Variants in SAMD4A observed in about 807,000 individuals in gnomAD.
The protein encoded by SAMD4A is protein Smaug homolog 1.
Under a neutral mutation model 81.3 loss-of-function variants are expected in SAMD4A, and 33 were observed. That is an observed-to-expected ratio of 0.41 (90% CI 0.31 to 0.54). SAMD4A has a LOEUF of 0.54. SAMD4A is among the 20% of genes least tolerant of loss of function. The pLI, the probability that SAMD4A is intolerant of heterozygous loss-of-function variation, is 0.37. For missense variants in SAMD4A, 854 were observed against 951.1 expected (o/e 0.90, Z 1.34); for synonymous variants, 389 against 382.1 (o/e 1.02, Z -0.21).
At chr14:54,618,048 T>C (rs1315363777) in intron 2 of SAMD4A, among the ~76,000 whole-genome samples, 1 of 152,228 alleles carries the variant, frequency 6.6e-6, no homozygotes. Context: ...GAGTTTGCAA[T>C]TGATTGTGCC....
In SAMD4A at chr14:54,790,435, G is replaced by A. The variant is rs1403833948; in HGVS notation, c.*1491G>A. On this transcript the variant is annotated 3_prime_UTR_variant, in exon 13 of 13. Transcript: ENST00000554335. Reference sequence around the variant, plus strand: ...CACAGAGGGGAGGAAAAAGACACTCGTTACTTGGTGGGAGATTGAGAAACT... The same window carrying A: ...CACAGAGGGGAGGAAAAAGACACTCATTACTTGGTGGGAGATTGAGAAACT... The A allele has an allele frequency of 2.6e-5, 4 of 152,234 alleles. No individual in the cohort carries two copies. The highest frequency in any genetic ancestry group is 1.9e-4 in the East Asian group (1 of 5,196). 9.4% of individuals were successfully genotyped at this position (152,234 alleles called of 1,614,324 possible).
At chr14:54,627,577 A>G (rs755602187) in intron 2 of SAMD4A, among the ~76,000 whole-genome samples, 1 of 152,328 alleles carries the variant, frequency 6.6e-6, no homozygotes, top group Admixed American at 6.5e-5. Flanking sequence ...TGAGACCCTA[A>G]CAAGTCAGCT....
chr14:54,581,272 A>G (rs1310273859), intron 2 of SAMD4A, among the ~76,000 whole-genome samples: 6 of 152,252 alleles, frequency 3.9e-5, no homozygotes, highest in African/African-American at 7.2e-5. Flanking sequence ...AGTTGAAACA[A>G]TGGGATACAA....
intron 2 of SAMD4A, among the ~76,000 whole-genome samples, chr14:54,572,848 A>G (rs1189897265): frequency 6.6e-6 from 1 of 152,174 alleles, no homozygotes; most frequent in Non-Finnish European, 1.5e-5. Context: ...TATGAATAAT[A>G]TTTTTCTAAA....
In SAMD4A at chr14:54,689,350, G is replaced by A. The variant is rs148927641; in HGVS notation, c.197-12712G>A. Among the ~76,000 whole-genome samples, 514 of 152,298 alleles carry A rather than the reference G, an allele frequency of 3.4e-3. 2 individuals carry two copies. Among genetic ancestry groups the A allele is most frequent in the African/African-American group, 0.012 (492 of 41,554 alleles). On this transcript the variant is annotated intron_variant, in intron 2 of 12. Transcript: ENST00000554335. Reference sequence around the variant, plus strand: ...ATCCTGTAGGAGAGAGCCCCATGGAGCATGATCCTGGTCCCTTAGATTGGT... The same window carrying A: ...ATCCTGTAGGAGAGAGCCCCATGGAACATGATCCTGGTCCCTTAGATTGGT...
At chr14:54,787,967 C>T (rs761848744) in intron 12 of SAMD4A, among the ~76,000 whole-genome samples, 1 of 152,128 alleles carries the variant, frequency 6.6e-6, no homozygotes, top group Non-Finnish European at 1.5e-5. Context: ...AGCAGACAGC[C>T]AAAAAGGGGC....
intron 2 of SAMD4A, among the ~76,000 whole-genome samples, chr14:54,625,465 C>G (rs773464200): frequency 6.6e-6 from 1 of 152,336 alleles, no homozygotes; most frequent in African/African-American, 2.4e-5. Flanking sequence ...GTGAAAATAG[C>G]AAGAATAAGT....
chr14:54,720,739 CA>C (rs2037240195), intron 3 of SAMD4A, among the ~76,000 whole-genome samples: 2 of 151,996 alleles, frequency 1.3e-5, no homozygotes, highest in South Asian at 4.2e-4. Flanking sequence ...AAACCCAATG[CA>C]AAAACAGGTT....
At chr14:54,607,728 A>G (rs1027360128) in intron 2 of SAMD4A, among the ~76,000 whole-genome samples, 6 of 152,098 alleles carry the variant, frequency 3.9e-5, no homozygotes, top group South Asian at 2.1e-4. Flanking sequence ...TGCTGGGATT[A>G]CAGGCGTGAG....
At chr14:54,710,335 G>A (rs1332507914) in intron 3 of SAMD4A, among the ~76,000 whole-genome samples, 1 of 152,026 alleles carries the variant, frequency 6.6e-6, no homozygotes, top group Non-Finnish European at 1.5e-5. Context: ...TATATATTGG[G>A]TACTGTTTAA....
At chr14:54,769,540 G>A (rs1403830405) in intron 8 of SAMD4A, among the ~76,000 whole-genome samples, 1 of 152,146 alleles carries the variant, frequency 6.6e-6, no homozygotes, top group East Asian at 1.9e-4. Flanking sequence ...TTTAGAGAAG[G>A]TTTAAGTCAG....
intron 4 of SAMD4A, among the ~76,000 whole-genome samples, chr14:54,742,518 G>GC (rs2140946702): frequency 6.6e-6 from 1 of 152,294 alleles, no homozygotes; most frequent in South Asian, 2.1e-4. Flanking sequence ...CTTACCTGAA[G>GC]CCAAGTTCAT....
intron 2 of SAMD4A, chr14:54,694,615 G>T: frequency 2.0e-6 from 2 of 985,636 alleles, no homozygotes; most frequent in South Asian, 4.7e-5. Context: ...GGAGTTGTCT[G>T]CATACTCATG....
chr14:54,752,859 G>A (rs2012999), intron 6 of SAMD4A, among the ~76,000 whole-genome samples: 101,216 of 152,092 alleles, frequency 0.67, 34,321 homozygotes, highest in Non-Finnish European at 0.74. Context: ...AAAAACATGT[G>A]AGCAATAGAA....
intron 3 of SAMD4A, chr14:54,703,870 A>G (rs1230873392): frequency 6.7e-6 from 1 of 150,118 alleles, no homozygotes; most frequent in African/African-American, 2.4e-5. Flanking sequence ...CTCAGAAGAG[A>G]AAAAAAAAAG....
chr14:54,751,114 T>G (rs1465377872), intron 5 of SAMD4A, among the ~76,000 whole-genome samples: 1 of 152,024 alleles, frequency 6.6e-6, no homozygotes, highest in African/African-American at 2.4e-5. Flanking sequence ...ATACAAAAAT[T>G]AGCCAGGTTT....
chr14:54,626,043 TGTGTGTGTGTGTGTGTGCGC>T (rs1290226809), intron 2 of SAMD4A, among the ~76,000 whole-genome samples: 48 of 133,752 alleles, frequency 3.6e-4, no homozygotes, highest in African/African-American at 1.3e-3. Context: ...TGTGTGTGTG[TGTGTGTGTGTGTGTGTGCGC>T]GCGCGCGCGC....
intron 2 of SAMD4A, among the ~76,000 whole-genome samples, chr14:54,624,130 G>A (rs1005987608): frequency 6.6e-6 from 1 of 152,060 alleles, no homozygotes; most frequent in Non-Finnish European, 1.5e-5. Flanking sequence ...GCCTGCCACC[G>A]CGCCCGTCTA....
intron 2 of SAMD4A, among the ~76,000 whole-genome samples, chr14:54,672,174 T>C (rs998914105): frequency 6.6e-5 from 10 of 152,010 alleles, no homozygotes; most frequent in African/African-American, 2.4e-4. Flanking sequence ...ATTCTCCCAC[T>C]TCAGCTTTTG....
Sources: gnomAD v4.1 joint callset for allele counts (sites outside exome capture counted in the v4.1 genomes callset) on GRCh38, gnomAD v4.1.1 for gene constraint, MANE v1.5 for transcripts, NCBI Gene and HGNC (gene_info 2026-07-23, HGNC 2026-07-21) for gene names.